The following MFSD6 variants were observed in gnomAD, a reference collection of about 807,000 sequenced individuals.
MFSD6 encodes major facilitator superfamily domain containing 6.
MFSD6 carries 26 observed loss-of-function variants against 56.3 expected under a neutral mutation model. That is an observed-to-expected ratio of 0.46 (90% CI 0.34 to 0.64). The LOEUF (loss-of-function observed/expected upper bound fraction) is 0.64, where lower values mean the gene tolerates loss of function less well. MFSD6 is among the 30% of genes least tolerant of loss of function. MFSD6 has a pLI of 0.01. For synonymous variants in MFSD6, 331 were observed against 366.9 expected, an observed-to-expected ratio of 0.90 and a Z score of 1.12; for missense variants, 750 against 986.2, an observed-to-expected ratio of 0.76 and a Z score of 3.21.
chr2:190,488,813 AT>A lies in MFSD6; in HGVS notation c.1791del (p.Phe597LeufsTer16). 6.4e-7 allele frequency: 1 copy of A among 1,563,216 alleles called. No individual in the cohort carries two copies. The highest frequency in any genetic ancestry group is 2.3e-5 in the East Asian group (1 of 43,082). ...ATGATCGGAGGCGTGTTAGTCAATTATTTTGGTAAGAATGGCTTTCTCCTTT... is the reference window on the plus strand; with the variant it reads ...ATGATCGGAGGCGTGTTAGTCAATTATTTGGTAAGAATGGCTTTCTCCTTT... ...GAMIGGVLVNYFGAAATFRGI... is the reference protein window; with the variant it reads ...GAMIGGVLVNXFGAAATFRGI... On this transcript the variant is annotated frameshift_variant, in exon 5 of 8. Coordinates refer to ENST00000392328, the MANE Select transcript of MFSD6 (RefSeq NM_017694.4). LOFTEE classifies it high-confidence loss of function. This position sits in a 1 kb window ranked among gnomAD's most constrained non-coding sequence, Gnocchi z 6.4.
rs867333800 is a variant in MFSD6 at position 190,449,051 on chromosome 2, T to C, written c.1532+11490T>C. 6.6e-5 allele frequency among the ~76,000 whole-genome samples: 10 copies of C among 152,366 alleles called. No homozygotes were observed. The East Asian group carries it at 9.6e-4, about 15-fold the overall frequency. On this transcript the variant is annotated intron_variant, in intron 3 of 7. Coordinates refer to ENST00000392328, the MANE Select transcript of MFSD6 (RefSeq NM_017694.4). Reference sequence around the variant, plus strand: ...ACATTGAGATTTTGTGTCCCTAATATGCATATTGTCTGTCTATATTTTGCC... The same window carrying C: ...ACATTGAGATTTTGTGTCCCTAATACGCATATTGTCTGTCTATATTTTGCC...
Position 190,431,670 on chromosome 2 carries a change from G to C in MFSD6, c.-53-4307G>C, listed in dbSNP as rs1455372572. On this transcript the variant is annotated intron_variant, in intron 2 of 7. Transcript: ENST00000392328. The surrounding 1 kb of genome is among the most constrained non-coding windows in gnomAD (Gnocchi z 4.4). ...GATGGCAGCAGTACAGTCCAGCTTC[G>C]GCTCAGCATCAGGGAGACCGTGGAA... Among the ~76,000 whole-genome samples, 1 of 152,078 alleles carries C rather than the reference G, an allele frequency of 6.6e-6. No homozygotes were observed. Among genetic ancestry groups the C allele is most frequent in the Non-Finnish European group, 1.5e-5 (1 of 68,002 alleles).
Position 190,454,269 on chromosome 2 carries a change from C to A in MFSD6, c.1533-15489C>A, listed in dbSNP as rs1686894822. On this transcript the variant is annotated intron_variant, in intron 3 of 7. Coordinates refer to ENST00000392328, the MANE Select transcript of MFSD6 (RefSeq NM_017694.4). The surrounding 1 kb of genome is among the most constrained non-coding windows in gnomAD (Gnocchi z 4.6). ...GCCTGCAGCCACGGTTCATGGAGCC[C>A]CTGGGGAGGTTTCCAATTGTGTTAG... 6.6e-6 allele frequency: 1 copy of A among 151,982 alleles called. No individual in the cohort carries two copies. The allele number at this position is 151,982 out of a possible 1,614,324, so 9.4% of individuals were successfully genotyped here. A position where few individuals can be genotyped will look rare whatever the true frequency, so the allele number is the denominator to read the frequency against.
At chr2:190,422,321 TG>T (rs1482929806) in intron 2 of MFSD6, among the ~76,000 whole-genome samples, 2 of 152,200 alleles carry the variant, frequency 1.3e-5, no homozygotes, top group Non-Finnish European at 2.9e-5. Context: ...TTGTCATTCC[TG>T]GGATCTCCAG....
intron 3 of MFSD6, chr2:190,464,717 ATC>A (rs1232738300): frequency 6.0e-6 from 1 of 167,166 alleles, no homozygotes. Context: ...CTCTTTGGAT[ATC>A]TCTTAGTATA....
chr2:190,458,155 A>G lies in MFSD6; in HGVS notation c.1533-11603A>G, dbSNP rs560898353. On this transcript the variant is annotated intron_variant, in intron 3 of 7. Transcript: ENST00000392328. The surrounding 1 kb of genome is among the most constrained non-coding windows in gnomAD (Gnocchi z 5.3). ...AAGTTTGCTTGATGTTGGAGTTGTAAGTGACCTCGAAGGGCATTTTAATGG... is the reference window on the plus strand; with the variant it reads ...AAGTTTGCTTGATGTTGGAGTTGTAGGTGACCTCGAAGGGCATTTTAATGG... 6.6e-6 allele frequency among the ~76,000 whole-genome samples: 1 copy of G among 152,300 alleles called. No homozygotes were observed. Among genetic ancestry groups the G allele is most frequent in the African/African-American group, 2.4e-5 (1 of 41,578 alleles).
At position 190,437,223 on chromosome 2, in the gene MFSD6, CGAT is replaced by C; in HGVS notation, c.1198_1200del (p.Asp400del). 1 of 1,614,220 alleles carries C rather than the reference CGAT, an allele frequency of 6.2e-7. No individual in the cohort carries two copies. The highest frequency in any genetic ancestry group is 8.5e-7 in the Non-Finnish European group (1 of 1,180,038). ...GGTTCCGCTACAACCATTTCAAAAA[CGAT>C]GATTCTAAAGGGAAAGAGGTGGAGA... On this transcript the variant is annotated inframe_deletion, in exon 3 of 8. Transcript: ENST00000392328. This position sits in a 1 kb window ranked among gnomAD's most constrained non-coding sequence, Gnocchi z 5.9.
intron 2 of MFSD6, among the ~76,000 whole-genome samples, chr2:190,422,211 A>G (rs1685642365): frequency 6.6e-6 from 1 of 152,176 alleles, no homozygotes; most frequent in African/African-American, 2.4e-5. Context: ...ATTTCCTCTT[A>G]GGACATTCAG....
In MFSD6 at chr2:190,469,896, C is replaced by T. The variant is rs1288527972; in HGVS notation, c.1630+41C>T. The T allele has an allele frequency of 6.9e-7, 1 of 1,454,148 alleles. No homozygotes were observed. Among genetic ancestry groups the T allele is most frequent in the South Asian group, 1.2e-5 (1 of 85,648 alleles). 90.1% of individuals were successfully genotyped at this position (1,454,148 alleles called of 1,614,324 possible). A position where few individuals can be genotyped will look rare whatever the true frequency, so the allele number is the denominator to read the frequency against. On this transcript the variant is annotated intron_variant, in intron 4 of 7. Coordinates refer to ENST00000392328, the MANE Select transcript of MFSD6 (RefSeq NM_017694.4). The surrounding 1 kb of genome is among the most constrained non-coding windows in gnomAD (Gnocchi z 5.3). ...GGATTGAAATTATTTCTCTGCCTTCCCTGAGCTGTGGCTAAAAGCCCAGTG... is the reference window on the plus strand; with the variant it reads ...GGATTGAAATTATTTCTCTGCCTTCTCTGAGCTGTGGCTAAAAGCCCAGTG...
chr2:190,437,213 A>G lies in MFSD6; in HGVS notation c.1184A>G (p.His395Arg). Residue 395 changes from histidine (H) to arginine (R), a missense_variant, in exon 3 of 8, where the codon CAT becomes CGT. Transcript: ENST00000392328. The surrounding 1 kb of genome is among the most constrained non-coding windows in gnomAD (Gnocchi z 5.9). ...ACTCAGTTCCGGTTCCGCTACAACCATTTCAAAAACGATGATTCTAAAGGG... is the reference window on the plus strand; with the variant it reads ...ACTCAGTTCCGGTTCCGCTACAACCGTTTCAAAAACGATGATTCTAAAGGG... ...VATQFRFRYNHFKNDDSKGKE... is the reference protein window; with the variant it reads ...VATQFRFRYNRFKNDDSKGKE... 6.2e-7 allele frequency: 1 copy of G among 1,614,232 alleles called. No individual in the cohort carries two copies. The highest frequency in any genetic ancestry group is 8.5e-7 in the Non-Finnish European group (1 of 1,180,044).
In MFSD6 at chr2:190,437,361, C is replaced by T. The variant is rs901258884; in HGVS notation, c.1332C>T (p.Ser444=). 16 of 1,614,132 alleles carry T rather than the reference C, an allele frequency of 9.9e-6. No homozygotes were observed. Among genetic ancestry groups the T allele is most frequent in the East Asian group, 2.2e-5 (1 of 44,890 alleles). Reference sequence around the variant, plus strand: ...GGGACTTAATCAAGCTGCTCTGCAGCGTGCAGTATGGCTCAGTGCTGTTTG... The same window carrying T: ...GGGACTTAATCAAGCTGCTCTGCAGTGTGCAGTATGGCTCAGTGCTGTTTG... ...NFWDLIKLLC[S]VQYGSVLFVA... Residue 444 remains serine (S), a synonymous_variant, in exon 3 of 8, where the codon AGC becomes AGT. Coordinates refer to ENST00000392328, the MANE Select transcript of MFSD6 (RefSeq NM_017694.4). This position sits in a 1 kb window ranked among gnomAD's most constrained non-coding sequence, Gnocchi z 5.9.
At position 190,443,858 on chromosome 2, in the gene MFSD6, C is replaced by T. The variant is rs1290149891; in HGVS notation, c.1532+6297C>T. Among the ~76,000 whole-genome samples the T allele has an allele frequency of 6.6e-6, 1 of 152,120 alleles. No individual in the cohort carries two copies. Among genetic ancestry groups the T allele is most frequent in the African/African-American group, 2.4e-5 (1 of 41,410 alleles). ...TGTCTTGAGCCCAGGAGTTCGAGAT[C>T]AGCCTGGGCAACATGGTGAGACCTT... is the stretch of plus-strand genomic sequence containing the variant. On this transcript the variant is annotated intron_variant, in intron 3 of 7. Coordinates refer to ENST00000392328, the MANE Select transcript of MFSD6 (RefSeq NM_017694.4). This position sits in a 1 kb window ranked among gnomAD's most constrained non-coding sequence, Gnocchi z 4.2.
chr2:190,490,511 C>T lies in MFSD6; in HGVS notation c.1891+645C>T, dbSNP rs999117332. ...CCAGGAGGTGGAGCTTGCAGTGAGC[C>T]GAGATAGCACCACTGCAGTCCAGCC... On this transcript the variant is annotated intron_variant, in intron 6 of 7. Coordinates refer to ENST00000392328, the MANE Select transcript of MFSD6 (RefSeq NM_017694.4). The surrounding 1 kb of genome is among the most constrained non-coding windows in gnomAD (Gnocchi z 4.5). Among the ~76,000 whole-genome samples, 6 of 151,390 alleles carry T rather than the reference C, an allele frequency of 4.0e-5. No individual in the cohort carries two copies. The highest frequency in any genetic ancestry group is 2.9e-5 in the Non-Finnish European group (2 of 67,900).
rs753670267 is a variant in MFSD6 at position 190,462,933 on chromosome 2, A to G, written c.1533-6825A>G. ...CACCATTCTAGCACTAGAGGAGGGT[A>G]CCATGATGTAACTCAGGCCACCTTC... is the stretch of plus-strand genomic sequence containing the variant. On this transcript the variant is annotated intron_variant, in intron 3 of 7. Coordinates refer to ENST00000392328, the MANE Select transcript of MFSD6 (RefSeq NM_017694.4). The surrounding 1 kb of genome is among the most constrained non-coding windows in gnomAD (Gnocchi z 5.7). 5.3e-5 allele frequency among the ~76,000 whole-genome samples: 8 copies of G among 152,190 alleles called. No individual in the cohort carries two copies. The highest frequency in any genetic ancestry group is 1.0e-4 in the Non-Finnish European group (7 of 68,028).
chr2:190,435,674 A>G (rs892510417), intron 2 of MFSD6, among the ~76,000 whole-genome samples: 4 of 152,364 alleles, frequency 2.6e-5, no homozygotes, highest in African/African-American at 7.2e-5. Flanking sequence ...TTTGGTTTAG[A>G]CATAATCCCT....
In MFSD6 at chr2:190,461,572, TGGCA is replaced by T. The variant is rs1687330938; in HGVS notation, c.1533-8183_1533-8180del. Among the ~76,000 whole-genome samples, 1 of 152,226 alleles carries T rather than the reference TGGCA, an allele frequency of 6.6e-6. No homozygotes were observed. Among genetic ancestry groups the T allele is most frequent in the Non-Finnish European group, 1.5e-5 (1 of 68,038 alleles). On this transcript the variant is annotated intron_variant, in intron 3 of 7. Coordinates refer to ENST00000392328, the MANE Select transcript of MFSD6 (RefSeq NM_017694.4). This position sits in a 1 kb window ranked among gnomAD's most constrained non-coding sequence, Gnocchi z 5.5. Reference sequence around the variant, plus strand: ...GCTGGGAAGTGCAAGATCAAAGTGTTGGCAGGTTCGGTGACTGGTAAAGGCCTCG... The same window carrying T: ...GCTGGGAAGTGCAAGATCAAAGTGTTGGTTCGGTGACTGGTAAAGGCCTCG...
chr2:190,455,491 G>A (rs1210314522), intron 3 of MFSD6, among the ~76,000 whole-genome samples: 1 of 152,156 alleles, frequency 6.6e-6, no homozygotes, highest in Non-Finnish European at 1.5e-5. Flanking sequence ...CAGAAGACCT[G>A]GTTGAGTCTT....
chr2:190,502,308 A>G lies in MFSD6; in HGVS notation c.*2090A>G, dbSNP rs1690062357. ...CTTAAAAAATATTAAAGTGAATTCA[A>G]ATTACATTTTGATTTGAGATTTTGT... On this transcript the variant is annotated 3_prime_UTR_variant, in exon 8 of 8. Transcript: ENST00000392328. The surrounding 1 kb of genome is among the most constrained non-coding windows in gnomAD (Gnocchi z 4.4). 6.6e-6 allele frequency: 1 copy of G among 152,178 alleles called. No individual in the cohort carries two copies. The highest frequency in any genetic ancestry group is 2.4e-5 in the African/African-American group (1 of 41,438). 9.4% of individuals were successfully genotyped at this position (152,178 alleles called of 1,614,324 possible).
Position 190,487,678 on chromosome 2 carries a change from G to A in MFSD6, c.1631-979G>A, listed in dbSNP as rs1243429665. 6.6e-6 allele frequency among the ~76,000 whole-genome samples: 1 copy of A among 152,132 alleles called. No homozygotes were observed. Among genetic ancestry groups the A allele is most frequent in the Non-Finnish European group, 1.5e-5 (1 of 68,020 alleles). On this transcript the variant is annotated intron_variant, in intron 4 of 7. Transcript: ENST00000392328. This position sits in a 1 kb window ranked among gnomAD's most constrained non-coding sequence, Gnocchi z 5.5. ...CGACATCACTAGCTATTAGGGGAAA[G>A]CAAATCAACAACATGAGAAACTGCT...
Sources: gnomAD v4.1 joint callset for allele counts (sites outside exome capture counted in the v4.1 genomes callset) on GRCh38, gnomAD v4.1.1 for gene constraint, Gnocchi (gnomAD v3.1) non-coding constraint, MANE v1.5 for transcripts, NCBI Gene and HGNC (gene_info 2026-07-23, HGNC 2026-07-21) for gene names.